Variants in EXOC6B observed in about 807,000 individuals in gnomAD.
The protein encoded by EXOC6B is exocyst complex component 6B, also known as SEC15 homolog B.
In EXOC6B, 54 loss-of-function variants were observed where a neutral mutation model predicts 113.5. That is an observed-to-expected ratio of 0.48 (90% CI 0.38 to 0.60). The LOEUF (loss-of-function observed/expected upper bound fraction) is 0.60, where lower values mean the gene tolerates loss of function less well. Ranked by LOEUF, EXOC6B falls within the 20% of genes least tolerant of loss-of-function variation. The probability of loss-of-function intolerance (pLI) is 0.00; values close to 1 mark genes in which losing one functional copy is unlikely to be tolerated. For synonymous variants in EXOC6B, 357 were observed against 339.0 expected, an observed-to-expected ratio of 1.05 and a Z score of -0.58; for missense variants, 797 against 977.5, an observed-to-expected ratio of 0.82 and a Z score of 2.46.
At chr2:72,252,392 T>G (rs1377090029) in intron 20 of EXOC6B, among the ~76,000 whole-genome samples, 1 of 152,082 alleles carries the variant, frequency 6.6e-6, no homozygotes, top group African/African-American at 2.4e-5. Context: ...TTCTCTACAC[T>G]GAGAACAATG....
chr2:72,549,303 C>A (rs1703082648), intron 8 of EXOC6B, among the ~76,000 whole-genome samples: 1 of 152,040 alleles, frequency 6.6e-6, no homozygotes, highest in Non-Finnish European at 1.5e-5. Context: ...ATTATTATGA[C>A]TATAATGAGA....
intron 20 of EXOC6B, among the ~76,000 whole-genome samples, chr2:72,250,169 T>C (rs1682921319): frequency 2.0e-5 from 3 of 152,284 alleles, no homozygotes; most frequent in South Asian, 4.1e-4. Flanking sequence ...CAAGTTTCAA[T>C]CATTTTTATA....
intron 1 of EXOC6B, among the ~76,000 whole-genome samples, chr2:72,812,677 G>A (rs1219307090): frequency 1.4e-5 from 2 of 141,958 alleles, no homozygotes; most frequent in African/African-American, 2.4e-5. Flanking sequence ...GTGACTGGGG[G>A]AGACCCCCAT....
chr2:72,560,093 C>G (rs1427349706), intron 7 of EXOC6B, among the ~76,000 whole-genome samples: 2 of 151,632 alleles, frequency 1.3e-5, no homozygotes, highest in African/African-American at 4.8e-5. Flanking sequence ...AAAGTCAAAC[C>G]AAGAAGTAAT....
intron 19 of EXOC6B, among the ~76,000 whole-genome samples, chr2:72,377,975 A>C (rs1291792328): frequency 1.3e-5 from 2 of 151,784 alleles, no homozygotes; most frequent in Non-Finnish European, 2.9e-5. Flanking sequence ...GAAAAAAAAA[A>C]CAGAGGAGCT....
At chr2:72,472,338 G>C (rs1698463435) in intron 17 of EXOC6B, among the ~76,000 whole-genome samples, 1 of 152,002 alleles carries the variant, frequency 6.6e-6, no homozygotes, top group Non-Finnish European at 1.5e-5. Context: ...ACCTGGTTCT[G>C]GGCTTTTCTT....
rs547215645 is a variant in EXOC6B, at chr2:72,489,755, C to T, written c.1665+2563G>A. Among the ~76,000 whole-genome samples the T allele has an allele frequency of 3.9e-5, 6 of 151,936 alleles. No homozygotes were observed. In the East Asian group the frequency reaches 9.6e-4, roughly 24 times the overall value. ...GCAGCCCTAGGAAAATAGCCATTCT[C>T]GCTAAAAAAATAATGAATAGTCACA... On this transcript the variant is annotated intron_variant, in intron 16 of 21. Coordinates refer to ENST00000272427, the MANE Select transcript of EXOC6B (RefSeq NM_015189.3).
At chr2:72,660,796 TA>T (rs1674955763) in intron 6 of EXOC6B, among the ~76,000 whole-genome samples, 1 of 151,118 alleles carries the variant, frequency 6.6e-6, no homozygotes, top group Non-Finnish European at 1.5e-5. Context: ...GTTGAAGTAT[TA>T]CACAATTGGC....
At chr2:72,674,228 G>A (rs1347528824) in intron 6 of EXOC6B, among the ~76,000 whole-genome samples, 1 of 152,034 alleles carries the variant, frequency 6.6e-6, no homozygotes, top group African/African-American at 2.4e-5. Flanking sequence ...TCCCCAGTTT[G>A]GTCCTTTCAA....
Position 72,389,794 on chromosome 2 carries a change from C to T in EXOC6B, c.1981-9924G>A, listed in dbSNP as rs372574505. The stretch of plus-strand genomic sequence containing the variant: ...CTCTGTATGTACTATGTATTTTTTC[C>T]CTAGTTGCTTCTAAGAGTTTCTTTT... On this transcript the variant is annotated intron_variant, in intron 18 of 21. Coordinates refer to ENST00000272427, the MANE Select transcript of EXOC6B (RefSeq NM_015189.3). 1.3e-4 allele frequency among the ~76,000 whole-genome samples: 20 copies of T among 151,958 alleles called. 1 individual carries two copies. The highest frequency in any genetic ancestry group is 4.6e-4 in the African/African-American group (19 of 41,484).
At chr2:72,663,964 G>C (rs1275359427) in intron 6 of EXOC6B, among the ~76,000 whole-genome samples, 1 of 152,092 alleles carries the variant, frequency 6.6e-6, no homozygotes, top group Non-Finnish European at 1.5e-5. Context: ...AGGGGTATTT[G>C]AGAACTCTGT....
At chr2:72,312,800 CA>C (rs11288459) in intron 20 of EXOC6B, among the ~76,000 whole-genome samples, 37,526 of 113,310 alleles carry the variant, frequency 0.33, 10,720 homozygotes, top group African/African-American at 0.76. Context: ...AAACGACAAC[CA>C]AAAAAAAAAA....
intron 20 of EXOC6B, among the ~76,000 whole-genome samples, chr2:72,317,998 T>A (rs1407491598): frequency 6.6e-6 from 1 of 152,176 alleles, no homozygotes; most frequent in East Asian, 1.9e-4. Context: ...AGAGCATATT[T>A]CTTTTTTAAC....
intron 17 of EXOC6B, among the ~76,000 whole-genome samples, chr2:72,476,804 T>C (rs746292057): frequency 2.6e-5 from 4 of 152,236 alleles, no homozygotes; most frequent in Non-Finnish European, 5.9e-5. Flanking sequence ...TTGGTATTTA[T>C]CTACTTCGGT....
At chr2:72,462,386 T>C (rs1372020415) in intron 18 of EXOC6B, 2 of 152,170 alleles carry the variant, frequency 1.3e-5, no homozygotes, top group Non-Finnish European at 2.9e-5. Flanking sequence ...AATAATAATA[T>C]GCATGTGCTA....
chr2:72,345,105 C>T lies in EXOC6B; in HGVS notation c.2123-10085G>A, dbSNP rs115679881. Among the ~76,000 whole-genome samples, 897 of 152,184 alleles carry T rather than the reference C, an allele frequency of 5.9e-3. 4 individuals carry two copies. The highest frequency in any genetic ancestry group is 0.02 in the African/African-American group (815 of 41,536). On this transcript the variant is annotated intron_variant, in intron 19 of 21. Coordinates refer to ENST00000272427, the MANE Select transcript of EXOC6B (RefSeq NM_015189.3). ...TGGGACTGGGGTTGAGGATGGGTAG[C>T]TATTAGTGTACTAAGAAATAAAATT...
intron 20 of EXOC6B, among the ~76,000 whole-genome samples, chr2:72,253,416 T>G (rs1683148317): frequency 6.6e-6 from 1 of 152,166 alleles, no homozygotes; most frequent in African/African-American, 2.4e-5. Flanking sequence ...CCGAGCACTA[T>G]TCACAATAGC....
At chr2:72,295,905 A>G (rs1265544130) in intron 20 of EXOC6B, among the ~76,000 whole-genome samples, 1 of 152,176 alleles carries the variant, frequency 6.6e-6, no homozygotes, top group East Asian at 1.9e-4. Context: ...AGAAAAAGAG[A>G]TCATACAAAA....
intron 20 of EXOC6B, among the ~76,000 whole-genome samples, chr2:72,304,443 ATTT>A (rs777118627): frequency 6.6e-6 from 1 of 152,160 alleles, no homozygotes; most frequent in Non-Finnish European, 1.5e-5. Context: ...AGCTTCACAT[ATTT>A]TTAACTTTTT....
Sources: gnomAD v4.1 joint callset for allele counts (sites outside exome capture counted in the v4.1 genomes callset) on GRCh38, gnomAD v4.1.1 for gene constraint, MANE v1.5 for transcripts, NCBI Gene and HGNC (gene_info 2026-07-23, HGNC 2026-07-21) for gene names.